DNAH10: variants seen among roughly 807,000 people sequenced by gnomAD.
The protein encoded by DNAH10 is dynein axonemal heavy chain 10.
A neutral mutation model predicts 506.6 loss-of-function variants in DNAH10; 348 were observed. That is an observed-to-expected ratio of 0.69 (90% CI 0.63 to 0.75). The LOEUF (loss-of-function observed/expected upper bound fraction) is 0.75. Ranked by LOEUF, DNAH10 falls within the 30% of genes least tolerant of loss-of-function variation. The pLI is 0.00. For missense variants in DNAH10, 5,179 were observed against 5,787.1 expected, an observed-to-expected ratio of 0.89 and a Z score of 3.41; for synonymous variants, 2,059 against 2,198.6, an observed-to-expected ratio of 0.94 and a Z score of 1.78.
rs760906054 is a variant in DNAH10, at chr12:123,928,588, G to A, written c.12306+1G>A. 2 of 1,594,592 alleles carry A rather than the reference G, an allele frequency of 1.3e-6. No homozygotes were observed. Among genetic ancestry groups the A allele is most frequent in the Non-Finnish European group, 1.7e-6 (2 of 1,170,520 alleles). On this transcript the variant is annotated splice_donor_variant, in intron 70 of 78. Coordinates refer to ENST00000673944, the MANE Select transcript of DNAH10 (RefSeq NM_001372106.1). LOFTEE classifies it high-confidence loss of function. The surrounding 1 kb of genome is among the most constrained non-coding windows in gnomAD (Gnocchi z 4.9). ...TGGGATTCTGCAGAAGTCCCTAAAG[G>A]TCTGGCTTCAGGATGGACATCAACA...
intron 32 of DNAH10, among the ~76,000 whole-genome samples, chr12:123,847,508 C>G (rs1429681387): frequency 7.1e-6 from 1 of 140,140 alleles, no homozygotes; most frequent in South Asian, 2.3e-4. Context: ...AGACTCGTGT[C>G]TGGGTCTGAG....
In DNAH10 at chr12:123,902,534, G is replaced by A. The variant is rs1953568820; in HGVS notation, c.9641-405G>A. Among the ~76,000 whole-genome samples the A allele has an allele frequency of 6.6e-6, 1 of 152,188 alleles. No individual in the cohort carries two copies. Among genetic ancestry groups the A allele is most frequent in the South Asian group, 2.1e-4 (1 of 4,828 alleles). On this transcript the variant is annotated intron_variant, in intron 56 of 78. Transcript: ENST00000673944. This position sits in a 1 kb window ranked among gnomAD's most constrained non-coding sequence, Gnocchi z 4.5. ...GGCAGGCTCCTTAGAGGGTGGCTCT[G>A]GCTGGGCCCGAGTGAGCGTAGGAAG...
At chr12:123,834,771 C>T (rs571598623) in intron 27 of DNAH10, among the ~76,000 whole-genome samples, 4 of 152,320 alleles carry the variant, frequency 2.6e-5, no homozygotes, top group Admixed American at 2.6e-4. Context: ...CGGAATGACA[C>T]AATATATGAT....
chr12:123,926,304 G>T lies in DNAH10; in HGVS notation c.11922-333G>T. The stretch of plus-strand genomic sequence containing the variant: ...AAACACAAAACTCAAAACTCAAGAT[G>T]TGGACCATTCAGGACACGCCTGTGG... On this transcript the variant is annotated intron_variant, in intron 68 of 78. Coordinates refer to ENST00000673944, the MANE Select transcript of DNAH10 (RefSeq NM_001372106.1). The surrounding 1 kb of genome is among the most constrained non-coding windows in gnomAD (Gnocchi z 4.1). 3.6e-6 allele frequency: 1 copy of T among 276,368 alleles called. No homozygotes were observed. The highest frequency in any genetic ancestry group is 6.7e-6 in the Non-Finnish European group (1 of 149,528). The allele number at this position is 276,368 out of a possible 1,614,324, so 17.1% of individuals were successfully genotyped here. A position where few individuals can be genotyped will look rare whatever the true frequency, so the allele number is the denominator to read the frequency against.
Position 123,916,609 on chromosome 12 carries a change from G to C in DNAH10, c.10875G>C (p.Gln3625His). The C allele has an allele frequency of 1.2e-6, 2 of 1,613,910 alleles. No individual in the cohort carries two copies. The highest frequency in any genetic ancestry group is 1.7e-6 in the Non-Finnish European group (2 of 1,179,878). ...ATATAAAAGTCTCCCAAGGACGGCAGTTTATTATCCTGGGAGACAAGGAAG... is the reference window on the plus strand; with the variant it reads ...ATATAAAAGTCTCCCAAGGACGGCACTTTATTATCCTGGGAGACAAGGAAG... ...EKNIKVSQGR[Q>H]FIILGDKEVD... The change falls in exon 63 of 79, where the codon CAG (glutamine) becomes CAC (histidine). Residue 3625 changes from glutamine to histidine, a missense_variant. Transcript: ENST00000673944. The surrounding 1 kb of genome is among the most constrained non-coding windows in gnomAD (Gnocchi z 4.6).
At chr12:123,901,432 A>T (rs553846653) in intron 56 of DNAH10, among the ~76,000 whole-genome samples, 101 of 152,230 alleles carry the variant, frequency 6.6e-4, no homozygotes, top group South Asian at 1.7e-3. Context: ...TGGGCTGGGG[A>T]CCCTTTACAG....
At chr12:123,878,766 G>T (rs1594268416) in intron 48 of DNAH10, among the ~76,000 whole-genome samples, 1 of 152,150 alleles carries the variant, frequency 6.6e-6, no homozygotes, top group Non-Finnish European at 1.5e-5. Flanking sequence ...GAGTGTGGTG[G>T]TATGTACCTG....
chr12:123,841,667 T>C, intron 30 of DNAH10, 122 bp downstream of exon 30: 2 of 823,530 alleles, frequency 2.4e-6, no homozygotes, highest in Non-Finnish European at 3.8e-6. Context: ...TTGCAATAGG[T>C]CATTAGTGGA....
chr12:123,766,813 A>G (rs1256312316), intron 1 of DNAH10, among the ~76,000 whole-genome samples: 1 of 152,174 alleles, frequency 6.6e-6, no homozygotes, highest in African/African-American at 2.4e-5. Flanking sequence ...TTCCATAGAA[A>G]AAAGTAGTTG....
At chr12:123,771,262 G>A (rs774401567) in intron 2 of DNAH10, among the ~76,000 whole-genome samples, 22 of 152,234 alleles carry the variant, frequency 1.4e-4, no homozygotes, top group East Asian at 5.8e-4. Context: ...GAGCCACTGC[G>A]CCTGGACTGT....
intron 1 of DNAH10, among the ~76,000 whole-genome samples, chr12:123,766,161 C>G (rs951621017): frequency 2.0e-5 from 3 of 152,058 alleles, no homozygotes; most frequent in Admixed American, 1.3e-4. Context: ...ACCTATACAT[C>G]TATCTCTCTC....
At position 123,859,204 on chromosome 12, in the gene DNAH10, G is replaced by A. The variant is rs758809466; in HGVS notation, c.6685G>A (p.Val2229Met). The change falls in exon 38 of 79, where the codon GTG becomes ATG. Residue 2229 changes from valine to methionine, a missense_variant. Physicochemically the swap from Val to Met is conservative, Grantham distance 21 (BLOSUM62 1). Coordinates refer to ENST00000673944, the MANE Select transcript of DNAH10 (RefSeq NM_001372106.1). ...CATGTTAACCCGCCACACGACGATG[G>A]TGGTGGGGCCCACCAGAGGGGGCAA... ...ETMLTRHTTMVVGPTRGGKSV... is the reference protein window; with the variant it reads ...ETMLTRHTTMMVGPTRGGKSV... 17 of 1,612,236 alleles carry A rather than the reference G, an allele frequency of 1.1e-5. No homozygotes were observed. The highest frequency in any genetic ancestry group is 1.4e-5 in the Non-Finnish European group (17 of 1,179,322).
intron 28 of DNAH10, among the ~76,000 whole-genome samples, chr12:123,838,074 G>T (rs1259862692): frequency 6.6e-6 from 1 of 152,050 alleles, no homozygotes; most frequent in Non-Finnish European, 1.5e-5. Context: ...TATACAAATT[G>T]CTCACAGTGG....
At position 123,762,303 on chromosome 12, in the gene DNAH10, C is replaced by T; in HGVS notation, c.-34C>T. 8.1e-7 allele frequency: 1 copy of T among 1,232,814 alleles called. No individual in the cohort carries two copies. 76.4% of individuals were successfully genotyped at this position (1,232,814 alleles called of 1,614,324 possible). A position where few individuals can be genotyped will look rare whatever the true frequency, so the allele number is the denominator to read the frequency against. ...GGCCGCCGTTGCCACGGACGCCCGC[C>T]CTGCGCCCGGCTCCCTCTGCACTGC... On this transcript the variant is annotated 5_prime_UTR_variant, in exon 1 of 79. Coordinates refer to ENST00000673944, the MANE Select transcript of DNAH10 (RefSeq NM_001372106.1). This position sits in a 1 kb window ranked among gnomAD's most constrained non-coding sequence, Gnocchi z 5.0.
intron 37 of DNAH10, 108 bp downstream of exon 37, chr12:123,857,355 C>T: frequency 2.1e-6 from 2 of 944,932 alleles, no homozygotes; most frequent in South Asian, 2.6e-5. Context: ...ATAAGTTTCA[C>T]CATCTTAACC....
At position 123,910,541 on chromosome 12, in the gene DNAH10, T is replaced by C; in HGVS notation, c.10003T>C (p.Leu3335=). 1 of 1,612,732 alleles carries C rather than the reference T, an allele frequency of 6.2e-7. No individual in the cohort carries two copies. Among genetic ancestry groups the C allele is most frequent in the Non-Finnish European group, 8.5e-7 (1 of 1,179,526 alleles). ...TATTGCATGTTTCACGTTAGGCCTC[T>C]TGAAGACTCTTAATACCACAACTGA... ...QSQVKNIKGL[L]KTLNTTTEEM... is the part of the protein sequence containing the mutation. The change falls in exon 59 of 79, where the codon TTG becomes CTG. Residue 3335 remains leucine (L), a synonymous_variant. Transcript: ENST00000673944.
chr12:123,863,817 G>A (rs79648103), intron 39 of DNAH10, among the ~76,000 whole-genome samples: 7 of 152,138 alleles, frequency 4.6e-5, no homozygotes, highest in African/African-American at 1.2e-4. Context: ...GGTACCATTC[G>A]ACCCACTACA....
At chr12:123,796,583 G>A in intron 12 of DNAH10, 73 bp from the exon 13 acceptor site, 1 of 1,404,292 alleles carries the variant, frequency 7.1e-7, no homozygotes, top group Non-Finnish European at 9.6e-7. Flanking sequence ...TTTCCTTAAA[G>A]ATTCAAATCT....
In DNAH10 at chr12:123,787,615, C is replaced by G. The variant is rs1957905529; in HGVS notation, c.1422-189C>G. 6.6e-6 allele frequency among the ~76,000 whole-genome samples: 1 copy of G among 152,264 alleles called. No individual in the cohort carries two copies. Among genetic ancestry groups the G allele is most frequent in the Admixed American group, 6.5e-5 (1 of 15,288 alleles). Reference sequence around the variant, plus strand: ...GGCGGCTGCAACGGAAACCTCGCAGCTTGGGACTCCCGCCCTTGCACATGG... The same window carrying G: ...GGCGGCTGCAACGGAAACCTCGCAGGTTGGGACTCCCGCCCTTGCACATGG... On this transcript the variant is annotated intron_variant, in intron 9 of 78. Transcript: ENST00000673944. This position sits in a 1 kb window ranked among gnomAD's most constrained non-coding sequence, Gnocchi z 4.6.
Sources: gnomAD v4.1 joint callset for allele counts (sites outside exome capture counted in the v4.1 genomes callset) on GRCh38, gnomAD v4.1.1 for gene constraint, Gnocchi (gnomAD v3.1) non-coding constraint, MANE v1.5 for transcripts, NCBI Gene and HGNC (gene_info 2026-07-23, HGNC 2026-07-21) for gene names.